RBL2: variants seen among roughly 807,000 people sequenced by gnomAD.
RBL2 encodes the protein retinoblastoma-like protein 2.
RBL2 carries 56 observed loss-of-function variants against 126.0 expected under a neutral mutation model. The observed-to-expected ratio is 0.44, with a 90% CI of 0.36 to 0.56. RBL2 has a LOEUF of 0.56. RBL2 is among the 20% of genes least tolerant of loss of function. The probability of loss-of-function intolerance (pLI) is 0.00; values close to 1 mark genes in which losing one functional copy is unlikely to be tolerated. For missense variants in RBL2, 1,229 were observed against 1,398.2 expected (o/e 0.88, Z 1.93); for synonymous variants, 454 against 478.5 (o/e 0.95, Z 0.67).
chr16:53,461,146 G>A (rs1267221695), intron 9 of RBL2, among the ~76,000 whole-genome samples: 1 of 152,156 alleles, frequency 6.6e-6, no homozygotes, highest in Middle Eastern at 3.2e-3. Flanking sequence ...GTGGGGGACA[G>A]TCATAGATAT....
intron 14 of RBL2, among the ~76,000 whole-genome samples, chr16:53,468,221 G>A (rs2058289004): frequency 1.3e-5 from 2 of 152,140 alleles, no homozygotes; most frequent in South Asian, 4.1e-4. Context: ...ACTGGCTATA[G>A]AAGGAATACC....
rs1160795699 is a variant in RBL2 at position 53,434,623 on chromosome 16, G to A, written c.67G>A (p.Glu23Lys). The A allele has an allele frequency of 6.4e-7, 1 of 1,555,892 alleles. No homozygotes were observed. Residue 23 changes from glutamate to lysine, a missense_variant, in exon 1 of 22, where the codon GAG (glutamate) becomes AAG (lysine). This residue lies in a region of RBL2 where 159 missense variants were observed against 123.9 expected (regional missense o/e 1.28). Transcript: ENST00000262133. ...PPPPAAAASD[E>K]EEEDDGEAED... ...CCCTCCGGCGGCGGCAGCCTCGGAT[G>A]AGGAGGAGGAGGACGACGGCGAGGC... is the stretch of plus-strand genomic sequence containing the variant.
Position 53,464,270 on chromosome 16 carries a change from C to T in RBL2, c.1605C>T (p.Cys535=). 1.2e-6 allele frequency: 2 copies of T among 1,604,352 alleles called. No individual in the cohort carries two copies. The highest frequency in any genetic ancestry group is 1.7e-6 in the Non-Finnish European group (2 of 1,172,020). ...CGTTCCACAGATCTCTCTTGGCCTGCTGCCTTGAGGTCGTCACTTTTTCTT... is the reference window on the plus strand; with the variant it reads ...CGTTCCACAGATCTCTCTTGGCCTGTTGCCTTGAGGTCGTCACTTTTTCTT... ...QDAFHRSLLA[C]CLEVVTFSYK... is the part of the protein sequence containing the mutation. Residue 535 remains cysteine, a synonymous_variant, in exon 12 of 22, where the codon TGC becomes TGT. Coordinates refer to ENST00000262133, the MANE Select transcript of RBL2 (RefSeq NM_005611.4).
At position 53,465,550 on chromosome 16, in the gene RBL2, C is replaced by T. The variant is rs752640452; in HGVS notation, c.1811C>T (p.Pro604Leu). 16 of 1,602,196 alleles carry T rather than the reference C, an allele frequency of 1.0e-5. No homozygotes were observed. The highest frequency in any genetic ancestry group is 1.3e-5 in the Non-Finnish European group (15 of 1,175,430). The change falls in exon 13 of 22, where the codon CCA becomes CTA. Residue 604 changes from proline to leucine, a missense_variant. Pro to Leu is a moderately conservative substitution (Grantham distance 98). Transcript: ENST00000262133. ...CATTTGGCATGGAAACCAGAGTCTC[C>T]ACTCTGGGAAAAAATTAGAGACAAT... is the stretch of plus-strand genomic sequence containing the variant. ...LDHLAWKPES[P>L]LWEKIRDNEN...
chr16:53,481,779 A>G lies in RBL2; in HGVS notation c.3193A>G (p.Thr1065Ala). ...PVYISPHKNETMLSPREKIFY... is the reference protein window; with the variant it reads ...PVYISPHKNEAMLSPREKIFY... ...CTACATTTCCCCACATAAAAATGAA[A>G]CAATGCTTTCTCCTCGAGAAAAGAT... The change falls in exon 21 of 22, where the codon ACA becomes GCA. Residue 1065 changes from threonine (T) to alanine (A), a missense_variant. Transcript: ENST00000262133. The G allele has an allele frequency of 6.3e-7, 1 of 1,594,542 alleles. No homozygotes were observed. The highest frequency in any genetic ancestry group is 8.6e-7 in the Non-Finnish European group (1 of 1,162,202).
Position 53,442,763 on chromosome 16 carries a change from T to C in RBL2, c.477T>C (p.Ser159=). The C allele has an allele frequency of 2.5e-6, 4 of 1,613,498 alleles. No homozygotes were observed. Among genetic ancestry groups the C allele is most frequent in the Non-Finnish European group, 2.5e-6 (3 of 1,179,398 alleles). The change falls in exon 3 of 22, where the codon TCT becomes TCC. Residue 159 remains serine, a synonymous_variant. Coordinates refer to ENST00000262133, the MANE Select transcript of RBL2 (RefSeq NM_005611.4). The part of the protein sequence containing the change: ...TERLERNFTV[S]AVIFKKYEPI... Reference sequence around the variant, plus strand: ...GATTAGAAAGAAACTTCACTGTTTCTGCTGTAATTTTTAAGAAATATGAAC... The same window carrying C: ...GATTAGAAAGAAACTTCACTGTTTCCGCTGTAATTTTTAAGAAATATGAAC...
intron 1 of RBL2, among the ~76,000 whole-genome samples, chr16:53,435,993 G>A (rs1172894787): frequency 2.6e-5 from 4 of 152,118 alleles, no homozygotes; most frequent in East Asian, 3.9e-4. Flanking sequence ...GATTAAATAA[G>A]GCAATAATGT....
At chr16:53,449,032 C>A (rs904490781) in intron 4 of RBL2, 1 of 152,164 alleles carries the variant, frequency 6.6e-6, no homozygotes, top group Non-Finnish European at 1.5e-5. Context: ...AAAAATCTTT[C>A]TTTTGTCATA....
chr16:53,476,326 T>A (rs1162954577), intron 17 of RBL2, among the ~76,000 whole-genome samples: 3 of 152,244 alleles, frequency 2.0e-5, no homozygotes, highest in Non-Finnish European at 4.4e-5. Context: ...TACTGATTTC[T>A]ACTTTCATTG....
At chr16:53,474,601 C>T (rs1225233502) in intron 17 of RBL2, among the ~76,000 whole-genome samples, 1 of 152,194 alleles carries the variant, frequency 6.6e-6, no homozygotes, top group Non-Finnish European at 1.5e-5. Context: ...TAGGCGTGAG[C>T]CACGGTGCCC....
intron 1 of RBL2, among the ~76,000 whole-genome samples, chr16:53,436,762 C>T (rs1487264397): frequency 1.3e-5 from 2 of 152,194 alleles, no homozygotes; most frequent in African/African-American, 4.8e-5. Flanking sequence ...AGTAATTTCC[C>T]CACTGTGTTA....
intron 21 of RBL2, chr16:53,488,093 C>G (rs753331650): frequency 2.0e-5 from 3 of 152,196 alleles, no homozygotes; most frequent in East Asian, 3.8e-4. Context: ...TAGACAAAAT[C>G]ACGTACATGA....
At chr16:53,435,770 G>A in intron 1 of RBL2, 1 of 1,277,618 alleles carries the variant, frequency 7.8e-7, no homozygotes, top group Non-Finnish European at 1.0e-6. Flanking sequence ...GATGTTTTTG[G>A]CTATGTGTAC....
In RBL2 at chr16:53,490,891, T is replaced by G. The variant is rs1961401299; in HGVS notation, c.*591T>G. The G allele has an allele frequency of 6.6e-6, 1 of 152,564 alleles. No homozygotes were observed. Among genetic ancestry groups the G allele is most frequent in the African/African-American group, 2.4e-5 (1 of 41,422 alleles). The allele number at this position is 152,564 out of a possible 1,614,324, so 9.5% of individuals were successfully genotyped here. On this transcript the variant is annotated 3_prime_UTR_variant, in exon 22 of 22. Transcript: ENST00000262133. Reference sequence around the variant, plus strand: ...GTGGTGCAGTGTGAAAAGTCCTTGATTGTTCGGGTGTGCAATGTCTGAGTG... The same window carrying G: ...GTGGTGCAGTGTGAAAAGTCCTTGAGTGTTCGGGTGTGCAATGTCTGAGTG...
Position 53,453,491 on chromosome 16 carries a change from C to G in RBL2, c.806C>G (p.Ser269Cys), listed in dbSNP as rs1187534313. 2 of 1,613,338 alleles carry G rather than the reference C, an allele frequency of 1.2e-6. No homozygotes were observed. The highest frequency in any genetic ancestry group is 3.3e-5 in the Admixed American group (2 of 60,012). ...EDFHAKDSKP[S>C]SDPPCIIEKL... ...TTTCATGCTAAAGATTCTAAACCTT[C>G]CTCTGACCCCCCTTGTATCATTGAG... Residue 269 changes from serine (S) to cysteine (C), a missense_variant, in exon 6 of 22, where the codon TCC becomes TGC. By Grantham distance (112) the Ser-to-Cys change is moderately radical. Around this residue, in one of 2 missense-constraint regions of RBL2, gnomAD observed 1,070 missense variants for 1,274.3 expected, o/e 0.84. Transcript: ENST00000262133.
intron 19 of RBL2, 156 bp from the exon 20 acceptor site, chr16:53,480,411 A>G: frequency 3.0e-6 from 2 of 657,912 alleles, no homozygotes; most frequent in East Asian, 2.6e-5. Context: ...TTAATATCCT[A>G]GCTGAGCTTT....
At chr16:53,489,630 T>G (rs1961323090) in intron 21 of RBL2, 1 of 152,214 alleles carries the variant, frequency 6.6e-6, no homozygotes, top group African/African-American at 2.4e-5. Context: ...TAGATCTTAC[T>G]AATTTATTAG....
chr16:53,436,841 A>G (rs1189818624), intron 1 of RBL2, among the ~76,000 whole-genome samples: 1 of 152,174 alleles, frequency 6.6e-6, no homozygotes, highest in Non-Finnish European at 1.5e-5. Context: ...TGACCATGAG[A>G]TGTTAATTTT....
At chr16:53,465,122 TCATAA>T (rs2058260659) in intron 12 of RBL2, among the ~76,000 whole-genome samples, 1 of 152,190 alleles carries the variant, frequency 6.6e-6, no homozygotes, top group South Asian at 2.1e-4. Flanking sequence ...ATCTTAACTC[TCATAA>T]GATAGTCAAA....
Sources: allele counts gnomAD v4.1 joint callset (sites outside exome capture counted in the v4.1 genomes callset), GRCh38; gene constraint gnomAD v4.1.1; regional missense constraint gnomAD v4.1.1; transcripts MANE v1.5; gene names NCBI Gene and HGNC (gene_info 2026-07-23, HGNC 2026-07-21).